BST1: variants seen among roughly 807,000 people sequenced by gnomAD.
BST1 encodes bone marrow stromal cell antigen 1.
In BST1, 49 loss-of-function variants were observed where a neutral mutation model predicts 40.6. The ratio of observed to expected loss-of-function variants is 1.21; its 90% confidence interval spans 0.96 to 1.53. The LOEUF (loss-of-function observed/expected upper bound fraction) is 1.53. Among genes scored for constraint, BST1 ranks in the 40% most tolerant of loss-of-function variants. BST1 has a pLI of 0.00. For missense variants in BST1, 423 were observed against 395.9 expected (o/e 1.07, Z -0.58); for synonymous variants, 157 against 159.3 (o/e 0.99, Z 0.11).
intron 4 of BST1, among the ~76,000 whole-genome samples, chr4:15,713,552 A>C (rs1299075315): frequency 6.6e-6 from 1 of 152,150 alleles, no homozygotes; most frequent in Non-Finnish European, 1.5e-5. Flanking sequence ...ACAGATAATA[A>C]AGTAAGGTAC....
the BST1 span, among the ~76,000 whole-genome samples, chr4:15,769,386 C>A: frequency 3.1e-4 from 47 of 152,228 alleles, no homozygotes; most frequent in Non-Finnish European, 4.4e-5. Flanking sequence ...GCCCTGTTGG[C>A]ATGGAGCTGC....
At chr4:15,719,645 A>T (rs1459692913) in intron 7 of BST1, among the ~76,000 whole-genome samples, 1 of 152,274 alleles carries the variant, frequency 6.6e-6, no homozygotes, top group African/African-American at 2.4e-5. Flanking sequence ...GGAATCCAAC[A>T]TTGCAAAAAC....
the BST1 span, among the ~76,000 whole-genome samples, chr4:15,753,467 C>T: frequency 6.6e-6 from 1 of 152,218 alleles, no homozygotes; most frequent in African/African-American, 2.4e-5. Context: ...GGCTCACGAT[C>T]GCGCCAGTGG....
downstream of BST1, among the ~76,000 whole-genome samples, chr4:15,735,686 C>T (rs1007241476): frequency 5.3e-5 from 8 of 152,160 alleles, no homozygotes; most frequent in African/African-American, 1.9e-4. Context: ...GACCGTCTGG[C>T]TCCTTAGGCC....
the BST1 span, among the ~76,000 whole-genome samples, chr4:15,758,006 C>T: frequency 1.3e-3 from 200 of 152,234 alleles, no homozygotes; most frequent in African/African-American, 4.6e-3. Flanking sequence ...TTTTTAATAA[C>T]AATTTTTATT....
At position 15,729,276 on chromosome 4, in the gene BST1, AC is replaced by A. The variant is rs1258649506; in HGVS notation, c.852-2460del. Among the ~76,000 whole-genome samples, 3 of 151,958 alleles carry A rather than the reference AC, an allele frequency of 2.0e-5. No individual in the cohort carries two copies. The East Asian group carries it at 5.8e-4, about 29-fold the overall frequency. ...AGACCAGCCTAGGCAACATGGCGAGACCCCGCCTCTACAAGCAAACAAACAA... is the reference window on the plus strand; with the variant it reads ...AGACCAGCCTAGGCAACATGGCGAGACCCGCCTCTACAAGCAAACAAACAA... On this transcript the variant is annotated intron_variant, in intron 8 of 8. Coordinates refer to ENST00000265016, the MANE Select transcript of BST1 (RefSeq NM_004334.3).
chr4:15,750,513 C>T, the BST1 span, among the ~76,000 whole-genome samples: 116 of 152,150 alleles, frequency 7.6e-4, 1 homozygote, highest in African/African-American at 2.3e-3. Flanking sequence ...GAAAGAAAGC[C>T]GGGTGAATAA....
intron 8 of BST1, among the ~76,000 whole-genome samples, chr4:15,729,199 C>T (rs74471059): frequency 0.048 from 7,245 of 152,186 alleles, 584 homozygotes; most frequent in African/African-American, 0.17. Context: ...TGCCTGTAAC[C>T]GTAGCACTTT....
the BST1 span, among the ~76,000 whole-genome samples, chr4:15,750,172 C>T: frequency 2.0e-5 from 3 of 151,940 alleles, no homozygotes; most frequent in Non-Finnish European, 4.4e-5. Context: ...TTACAGGTGC[C>T]CACCACTATG....
chr4:15,717,648 A>G (rs1365420273), intron 6 of BST1, among the ~76,000 whole-genome samples: 1 of 152,232 alleles, frequency 6.6e-6, no homozygotes, highest in African/African-American at 2.4e-5. Flanking sequence ...GGAACAAATA[A>G]TTAATAATGT....
At chr4:15,759,947 G>A in the BST1 span, among the ~76,000 whole-genome samples, 4 of 151,848 alleles carry the variant, frequency 2.6e-5, no homozygotes, top group Non-Finnish European at 4.4e-5. Context: ...TTTTGAGATC[G>A]AATTTACAAA....
At chr4:15,707,414 G>A in intron 2 of BST1, 97 bp from the exon 3 acceptor site, 4 of 1,434,972 alleles carry the variant, frequency 2.8e-6, no homozygotes, top group East Asian at 2.3e-5. Context: ...AGAGTTGAAT[G>A]AGAACTGGAT....
intron 8 of BST1, chr4:15,723,774 G>A (rs1720953989): frequency 3.0e-6 from 1 of 334,296 alleles, no homozygotes. Flanking sequence ...ATTTTGATAT[G>A]TTTCAAAAAG....
downstream of BST1, among the ~76,000 whole-genome samples, chr4:15,741,035 G>T (rs1721729638): frequency 6.6e-6 from 1 of 151,978 alleles, no homozygotes; most frequent in Non-Finnish European, 1.5e-5. Context: ...AATATTTACT[G>T]ATGATATTGA....
the BST1 span, among the ~76,000 whole-genome samples, chr4:15,770,288 A>G: frequency 2.0e-3 from 298 of 152,236 alleles, 5 homozygotes; most frequent in Non-Finnish European, 8.7e-4. Context: ...TCTTGTCCCC[A>G]GGTGTCCCCA....
At chr4:15,749,313 G>C in the BST1 span, among the ~76,000 whole-genome samples, 2 of 152,212 alleles carry the variant, frequency 1.3e-5, no homozygotes, top group Non-Finnish European at 2.9e-5. Flanking sequence ...ATAAGCACGA[G>C]ACACCAGCAC....
At chr4:15,728,464 T>G (rs1285950753) in intron 8 of BST1, among the ~76,000 whole-genome samples, 3 of 149,360 alleles carry the variant, frequency 2.0e-5, no homozygotes, top group Non-Finnish European at 4.5e-5. Flanking sequence ...TTTTTTTTTT[T>G]TTTTGGAGAC....
At chr4:15,722,499 C>G (rs1310089425) in intron 7 of BST1, among the ~76,000 whole-genome samples, 1 of 152,128 alleles carries the variant, frequency 6.6e-6, no homozygotes, top group Non-Finnish European at 1.5e-5. Context: ...GCGATCATAG[C>G]TCACTGCAGC....
chr4:15,768,459 A>G, the BST1 span, among the ~76,000 whole-genome samples: 1 of 147,488 alleles, frequency 6.8e-6, no homozygotes, highest in Non-Finnish European at 1.5e-5. Flanking sequence ...CTGAAATACC[A>G]TGAGTGTTGA....
Sources: allele counts gnomAD v4.1 joint callset (sites outside exome capture counted in the v4.1 genomes callset), GRCh38; gene constraint gnomAD v4.1.1; transcripts MANE v1.5; gene names NCBI Gene and HGNC (gene_info 2026-07-23, HGNC 2026-07-21).